Variants in TXNRD1 observed in about 807,000 individuals in gnomAD.
TXNRD1 encodes the protein thioredoxin reductase 1.
A neutral mutation model predicts 80.3 loss-of-function variants in TXNRD1; 57 were observed. The ratio of observed to expected loss-of-function variants is 0.71; its 90% confidence interval spans 0.57 to 0.89. TXNRD1 has a LOEUF of 0.89. Among genes scored for constraint, TXNRD1 ranks in the 40% least tolerant of loss-of-function variants. TXNRD1 has a pLI of 0.00. For missense variants in TXNRD1, 730 were observed against 803.0 expected, an observed-to-expected ratio of 0.91 and a Z score of 1.10; for synonymous variants, 291 against 285.2, an observed-to-expected ratio of 1.02 and a Z score of -0.20.
intron 6 of TXNRD1, among the ~76,000 whole-genome samples, chr12:104,315,177 C>A (rs1301436222): frequency 6.6e-6 from 1 of 152,162 alleles, no homozygotes; most frequent in Non-Finnish European, 1.5e-5. Context: ...CAATGGGGGA[C>A]TACATCCTGA....
rs981023964 is a variant in TXNRD1 at position 104,242,367 on chromosome 12, G to A, written c.92-9160G>A. Among the ~76,000 whole-genome samples, 6 of 151,832 alleles carry A rather than the reference G, an allele frequency of 4.0e-5. No homozygotes were observed. In the South Asian group the frequency reaches 8.4e-4, roughly 21 times the overall value. On this transcript the variant is annotated intron_variant, in intron 1 of 16. Transcript: ENST00000525566. ...GTTCGAGACCAGCCTGGCCAAGATG[G>A]TGAAACCCCGTCTGTACTAAAAACA...
At chr12:104,297,075 G>A (rs537667372) in intron 4 of TXNRD1, among the ~76,000 whole-genome samples, 7 of 152,000 alleles carry the variant, frequency 4.6e-5, no homozygotes, top group South Asian at 4.2e-4. Flanking sequence ...AGGCCGAGGC[G>A]GGTGGATCAC....
intron 7 of TXNRD1, among the ~76,000 whole-genome samples, chr12:104,316,892 T>C (rs977440164): frequency 1.4e-4 from 22 of 152,116 alleles, no homozygotes; most frequent in African/African-American, 4.8e-4. Flanking sequence ...GATAAACATT[T>C]TGTGGCTTTT....
intron 15 of TXNRD1, among the ~76,000 whole-genome samples, chr12:104,336,063 T>C (rs868779342): frequency 6.6e-6 from 1 of 152,206 alleles, no homozygotes; most frequent in East Asian, 1.9e-4. Flanking sequence ...ACATTAGATA[T>C]CACTTTTACT....
At chr12:104,307,580 G>A (rs1344828416) in intron 4 of TXNRD1, among the ~76,000 whole-genome samples, 1 of 152,238 alleles carries the variant, frequency 6.6e-6, no homozygotes, top group Non-Finnish European at 1.5e-5. Context: ...GGCCTTGTGA[G>A]TGGTAGAGCA....
intron 3 of TXNRD1, among the ~76,000 whole-genome samples, chr12:104,274,727 TA>T (rs2033721343): frequency 1.1e-5 from 1 of 90,558 alleles, no homozygotes; most frequent in African/African-American, 5.0e-5. Flanking sequence ...ATAAAAAAAA[TA>T]ATAATAATAA....
Position 104,319,601 on chromosome 12 carries a change from A to T in TXNRD1, c.989+16A>T. 6.5e-7 allele frequency: 1 copy of T among 1,546,566 alleles called. No homozygotes were observed. Among genetic ancestry groups the T allele is most frequent in the South Asian group, 1.2e-5 (1 of 83,864 alleles). On this transcript the variant is annotated intron_variant, in intron 9 of 16. Transcript: ENST00000525566. ...GCATCAGCAGGTAAAGGAAAAAAGC[A>T]GGGTGGAAAAGAAAAACCCATTGTG...
rs908108379 is a variant in TXNRD1, at chr12:104,290,753, A to G, written c.414+1713A>G. Among the ~76,000 whole-genome samples the G allele has an allele frequency of 4.2e-3, 478 of 113,956 alleles. 10 individuals carry two copies. The highest frequency in any genetic ancestry group is 7.0e-3 in the Non-Finnish European group (384 of 54,668). The allele number at this position is 113,956 out of a possible 152,430, so 74.8% of individuals were successfully genotyped here. The stretch of plus-strand genomic sequence containing the variant: ...TATATATATATATATATATATATAT[A>G]TATATGTATATTTCTTCCTGTCTGA... On this transcript the variant is annotated intron_variant, in intron 4 of 16. Coordinates refer to ENST00000525566, the MANE Select transcript of TXNRD1 (RefSeq NM_001093771.3).
chr12:104,244,828 GA>G lies in TXNRD1; in HGVS notation c.92-6695del, dbSNP rs144874568. On this transcript the variant is annotated intron_variant, in intron 1 of 16. Transcript: ENST00000525566. Reference sequence around the variant, plus strand: ...ATAAAAAGAAGGGATTGAAGACAGGGAAAAGAAAGGGGTGTAGGCTGTAGAG... The same window carrying G: ...ATAAAAAGAAGGGATTGAAGACAGGGAAAGAAAGGGGTGTAGGCTGTAGAG... 7.6e-3 allele frequency among the ~76,000 whole-genome samples: 1,158 copies of G among 152,328 alleles called. 13 individuals carry two copies. Among genetic ancestry groups the G allele is most frequent in the African/African-American group, 0.027 (1,117 of 41,572 alleles).
At chr12:104,235,533 C>T (rs1163773834) in intron 1 of TXNRD1, among the ~76,000 whole-genome samples, 2 of 152,118 alleles carry the variant, frequency 1.3e-5, no homozygotes, top group East Asian at 1.9e-4. Context: ...GTTTACCAGT[C>T]GGGCTTTTGG....
At chr12:104,242,183 C>G (rs1232684888) in intron 1 of TXNRD1, among the ~76,000 whole-genome samples, 1 of 151,486 alleles carries the variant, frequency 6.6e-6, no homozygotes, top group Non-Finnish European at 1.5e-5. Flanking sequence ...AGGTGATCCA[C>G]CCACCTTGGC....
chr12:104,327,828 ATAT>A (rs1485931476), intron 13 of TXNRD1, among the ~76,000 whole-genome samples, 157 bp downstream of exon 13: 1 of 150,218 alleles, frequency 6.7e-6, no homozygotes, highest in Non-Finnish European at 1.5e-5. Context: ...TCCAGACAAG[ATAT>A]TATTAAGGCT....
chr12:104,324,469 AG>A (rs1368346501), intron 10 of TXNRD1, among the ~76,000 whole-genome samples: 1 of 150,186 alleles, frequency 6.7e-6, no homozygotes, highest in African/African-American at 2.5e-5. Context: ...CTTCTGCCTC[AG>A]CCTCCCAAGT....
At chr12:104,268,423 G>T (rs2033582521) in intron 3 of TXNRD1, among the ~76,000 whole-genome samples, 1 of 151,586 alleles carries the variant, frequency 6.6e-6, no homozygotes, top group Non-Finnish European at 1.5e-5. Context: ...TACTCCGGAG[G>T]GTGAGGCAGG....
intron 3 of TXNRD1, among the ~76,000 whole-genome samples, chr12:104,270,918 G>C (rs973919961): frequency 6.6e-6 from 1 of 151,866 alleles, no homozygotes; most frequent in Non-Finnish European, 1.5e-5. Flanking sequence ...GGAGGCCGAG[G>C]GGGGTGGATC....
chr12:104,258,209 T>C, intron 3 of TXNRD1, 130 bp downstream of exon 3: 2 of 687,434 alleles, frequency 2.9e-6, no homozygotes, highest in Non-Finnish European at 4.8e-6. Flanking sequence ...TGATTCTTCT[T>C]TTTGGTCTTT....
chr12:104,278,033 C>T (rs367805527), intron 3 of TXNRD1, among the ~76,000 whole-genome samples: 3 of 150,148 alleles, frequency 2.0e-5, no homozygotes, highest in Non-Finnish European at 3.0e-5. Flanking sequence ...CCTACAACCA[C>T]GCCCGGCTAA....
intron 16 of TXNRD1, among the ~76,000 whole-genome samples, chr12:104,343,512 G>A (rs1160530690): frequency 1.3e-5 from 2 of 152,086 alleles, no homozygotes; most frequent in African/African-American, 4.8e-5. Flanking sequence ...ATTAAATAAA[G>A]TAAGAGGCCA....
At chr12:104,295,170 C>T (rs1368405758) in intron 4 of TXNRD1, among the ~76,000 whole-genome samples, 11 of 152,148 alleles carry the variant, frequency 7.2e-5, no homozygotes, top group African/African-American at 2.4e-4. Context: ...GTTGTAGAGT[C>T]GTGTTGAGCT....
Sources: allele counts gnomAD v4.1 joint callset (sites outside exome capture counted in the v4.1 genomes callset), GRCh38; gene constraint gnomAD v4.1.1; transcripts MANE v1.5; gene names NCBI Gene and HGNC (gene_info 2026-07-23, HGNC 2026-07-21).